FAM135B: variants seen among roughly 807,000 people sequenced by gnomAD.
FAM135B encodes family with sequence similarity 135 member B.
A neutral mutation model predicts 127.7 loss-of-function variants in FAM135B; 43 were observed. That is an observed-to-expected ratio of 0.34 (90% CI 0.26 to 0.43). FAM135B has a LOEUF of 0.43. Among genes scored for constraint, FAM135B ranks in the 20% least tolerant of loss-of-function variants. The pLI is 1.00. For synonymous variants in FAM135B, 670 were observed against 665.1 expected, an observed-to-expected ratio of 1.01 and a Z score of -0.11; for missense variants, 1,558 against 1,725.6, an observed-to-expected ratio of 0.90 and a Z score of 1.72.
At chr8:138,495,498 T>A (rs1815356534) in intron 1 of FAM135B, among the ~76,000 whole-genome samples, 1 of 152,144 alleles carries the variant, frequency 6.6e-6, no homozygotes, top group Non-Finnish European at 1.5e-5. Flanking sequence ...AAAAGCCCAA[T>A]TAAAGAACAT....
chr8:138,231,659 G>A (rs1819917479), intron 7 of FAM135B, among the ~76,000 whole-genome samples: 1 of 152,202 alleles, frequency 6.6e-6, no homozygotes, highest in Non-Finnish European at 1.5e-5. Flanking sequence ...GTTGGACACA[G>A]TCAGATCTGG....
chr8:138,352,034 A>G (rs1829816767), intron 2 of FAM135B, among the ~76,000 whole-genome samples: 1 of 152,094 alleles, frequency 6.6e-6, no homozygotes, highest in South Asian at 2.1e-4. Context: ...CTGATCCTGT[A>G]TGGAACCTTG....
chr8:138,241,681 T>C lies in FAM135B; in HGVS notation c.669+1261A>G, dbSNP rs1018849443. 6.6e-6 allele frequency among the ~76,000 whole-genome samples: 1 copy of C among 152,174 alleles called. No homozygotes were observed. The highest frequency in any genetic ancestry group is 1.5e-5 in the Non-Finnish European group (1 of 68,028). ...GCGGGGCTGACTGGGCATGGACAGT[T>C]TATCACACTTATAATGTGGGCTACT... On this transcript the variant is annotated intron_variant, in intron 7 of 19. Coordinates refer to ENST00000395297, the MANE Select transcript of FAM135B (RefSeq NM_015912.4). This position sits in a 1 kb window ranked among gnomAD's most constrained non-coding sequence, Gnocchi z 4.8.
intron 1 of FAM135B, among the ~76,000 whole-genome samples, chr8:138,405,676 G>A (rs1399992299): frequency 3.3e-5 from 5 of 152,108 alleles, no homozygotes; most frequent in African/African-American, 4.8e-5. Context: ...ATAAACATAC[G>A]TGTGTATGTG....
chr8:138,465,385 A>C (rs371152076), intron 1 of FAM135B, among the ~76,000 whole-genome samples: 3 of 152,200 alleles, frequency 2.0e-5, no homozygotes, highest in African/African-American at 7.2e-5. Context: ...CTCAGGCTTC[A>C]AGGTCACTTT....
intron 8 of FAM135B, 91 bp downstream of exon 8, chr8:138,197,425 T>C (rs1563757890): frequency 8.8e-6 from 13 of 1,481,756 alleles, no homozygotes; most frequent in Admixed American, 2.0e-5. Flanking sequence ...TCCTGTGACA[T>C]TTACAAAAGC....
intron 2 of FAM135B, among the ~76,000 whole-genome samples, chr8:138,343,893 G>A (rs930869624): frequency 6.6e-6 from 1 of 152,192 alleles, no homozygotes; most frequent in East Asian, 1.9e-4. Context: ...GGACAGGAGG[G>A]GGGTTTAGGA....
intron 1 of FAM135B, among the ~76,000 whole-genome samples, chr8:138,474,653 T>C (rs576771688): frequency 7.5e-4 from 114 of 152,352 alleles, no homozygotes; most frequent in African/African-American, 2.7e-3. Context: ...TTTGGGTCTT[T>C]GCTCAACCAA....
intron 2 of FAM135B, among the ~76,000 whole-genome samples, chr8:138,345,810 G>T (rs972826696): frequency 1.3e-5 from 2 of 152,212 alleles, no homozygotes; most frequent in Admixed American, 1.3e-4. Flanking sequence ...CATCCTGCAT[G>T]ATGATCTCTA....
At chr8:138,265,885 G>A (rs758983020) in intron 3 of FAM135B, 43 bp from the exon 4 acceptor site, 7 of 1,583,086 alleles carry the variant, frequency 4.4e-6, no homozygotes, top group Non-Finnish European at 6.0e-6. Context: ...CTCCAATACT[G>A]TCCTGTACCT....
intron 2 of FAM135B, among the ~76,000 whole-genome samples, chr8:138,337,443 A>G (rs1026411410): frequency 6.6e-6 from 1 of 151,936 alleles, no homozygotes; most frequent in Non-Finnish European, 1.5e-5. Context: ...CAAAAATCAC[A>G]AGCATTCTTA....
At chr8:138,165,910 T>G (rs1374760100) in intron 12 of FAM135B, among the ~76,000 whole-genome samples, 1 of 152,182 alleles carries the variant, frequency 6.6e-6, no homozygotes, top group Non-Finnish European at 1.5e-5. Flanking sequence ...ATTTGCAAGG[T>G]TGCACTGCCC....
chr8:138,141,559 C>T lies in FAM135B; in HGVS notation c.3639-210G>A, dbSNP rs1234979705. Among the ~76,000 whole-genome samples, 3 of 152,162 alleles carry T rather than the reference C, an allele frequency of 2.0e-5. No homozygotes were observed. The highest frequency in any genetic ancestry group is 6.5e-5 in the Admixed American group (1 of 15,284). ...GAGATGGGGTCTTTGTGAATGGGAG[C>T]TTTGTGCCCAGTCAGGGGAGAAGTG... On this transcript the variant is annotated intron_variant, in intron 16 of 19. Transcript: ENST00000395297. This position sits in a 1 kb window ranked among gnomAD's most constrained non-coding sequence, Gnocchi z 4.7.
At position 138,426,000 on chromosome 8, in the gene FAM135B, T is replaced by TATATATATATAC. The variant is rs1563992368; in HGVS notation, c.-19-57999_-19-57998insGTATATATATAT. On this transcript the variant is annotated intron_variant, in intron 1 of 19. Transcript: ENST00000395297. ...ATATATATATATATATATATATATA[T>TATATATATATAC]ATATATATATATACACACACATACA... Among the ~76,000 whole-genome samples, 55 of 14,496 alleles carry TATATATATATAC rather than the reference T, an allele frequency of 3.8e-3. 2 individuals are homozygous for TATATATATATAC. Among genetic ancestry groups the TATATATATATAC allele is most frequent in the African/African-American group, 0.032 (52 of 1,606 alleles). The allele number at this position is 14,496 out of a possible 152,430, so 9.5% of individuals were successfully genotyped here.
At chr8:138,311,579 T>C (rs541368596) in intron 2 of FAM135B, among the ~76,000 whole-genome samples, 1 of 152,334 alleles carries the variant, frequency 6.6e-6, no homozygotes, top group East Asian at 1.9e-4. Context: ...TTGTAAGCAT[T>C]TGAGGACATT....
At chr8:138,167,135 G>A (rs952884276) in intron 12 of FAM135B, among the ~76,000 whole-genome samples, 1 of 152,034 alleles carries the variant, frequency 6.6e-6, no homozygotes, top group African/African-American at 2.4e-5. Flanking sequence ...CAGACAGGGG[G>A]ATAATGTGCT....
At chr8:138,133,915 C>A (rs947210685) in intron 19 of FAM135B, among the ~76,000 whole-genome samples, 1 of 151,996 alleles carries the variant, frequency 6.6e-6, no homozygotes, top group Non-Finnish European at 1.5e-5. Context: ...GGAGCTTTGA[C>A]GTAAAGGGAA....
intron 2 of FAM135B, among the ~76,000 whole-genome samples, chr8:138,343,632 A>G (rs1401855235): frequency 1.4e-4 from 21 of 152,222 alleles, no homozygotes; most frequent in Admixed American, 1.4e-3. Context: ...TGCCCTGGCC[A>G]GGTACCTTCT....
intron 1 of FAM135B, among the ~76,000 whole-genome samples, chr8:138,430,686 C>CG (rs1400848114): frequency 6.6e-6 from 1 of 152,056 alleles, no homozygotes; most frequent in Non-Finnish European, 1.5e-5. Flanking sequence ...GGTTCGAGGA[C>CG]GGGGGTAAAA....
Sources: allele counts gnomAD v4.1 joint callset (sites outside exome capture counted in the v4.1 genomes callset), GRCh38; gene constraint gnomAD v4.1.1; non-coding constraint Gnocchi (gnomAD v3.1); transcripts MANE v1.5; gene names NCBI Gene and HGNC (gene_info 2026-07-23, HGNC 2026-07-21).